The following TRIM32 variants were observed in gnomAD, a reference collection of about 807,000 sequenced individuals.
The protein encoded by TRIM32 is E3 ubiquitin-protein ligase TRIM32.
A neutral mutation model predicts 36.0 loss-of-function variants in TRIM32; 19 were observed. The observed-to-expected ratio is 0.53, with a 90% confidence interval of 0.37 to 0.77. TRIM32 has a LOEUF of 0.77. TRIM32 is among the 30% of genes least tolerant of loss of function. The pLI is 0.00. For missense variants in TRIM32, 747 were observed against 845.2 expected, an observed-to-expected ratio of 0.88 and a Z score of 1.44; for synonymous variants, 309 against 318.5, an observed-to-expected ratio of 0.97 and a Z score of 0.32.
In TRIM32 at chr9:116,699,630, C is replaced by T. The variant is rs1472220331; in HGVS notation, c.1888C>T (p.Leu630=). ...CATAGCCCTAACTCCTAAGGGGCAG[C>T]TGCTGGTCTTGGACTGTTGGGATCA... ...VGIALTPKGQ[L]LVLDCWDHCI... is the part of the protein sequence containing the mutation. Residue 630 remains leucine (L), a synonymous_variant, in exon 2 of 2, where the codon CTG becomes TTG. Transcript: ENST00000450136. This position sits in a 1 kb window ranked among gnomAD's most constrained non-coding sequence, Gnocchi z 4.2. The T allele has an allele frequency of 6.2e-7, 1 of 1,614,082 alleles. No homozygotes were observed. Among genetic ancestry groups the T allele is most frequent in the Non-Finnish European group, 8.5e-7 (1 of 1,180,042 alleles).
Position 116,698,941 on chromosome 9 carries a change from G to A in TRIM32, c.1199G>A (p.Arg400His), listed in dbSNP as rs373015960. 13 of 1,614,042 alleles carry A rather than the reference G, an allele frequency of 8.1e-6. No individual in the cohort carries two copies. Among genetic ancestry groups the A allele is most frequent in the South Asian group, 3.3e-5 (3 of 91,090 alleles). ...RGNYRIQVFT[R>H]KGFLKEIRRS... ...AACTATCGTATACAAGTCTTTACCC[G>A]CAAAGGCTTTTTGAAGGAAATCCGC... The change falls in exon 2 of 2, where the codon CGC becomes CAC. Residue 400 changes from arginine (R) to histidine (H), a missense_variant. Transcript: ENST00000450136. The surrounding 1 kb of genome is among the most constrained non-coding windows in gnomAD (Gnocchi z 4.4).
At chr9:116,690,751 C>T (rs924936138) in intron 1 of TRIM32, among the ~76,000 whole-genome samples, 5 of 152,146 alleles carry the variant, frequency 3.3e-5, no homozygotes, top group African/African-American at 1.2e-4. Context: ...AGGCTACTTT[C>T]TCTGAGCATT....
At position 116,698,382 on chromosome 9, in the gene TRIM32, G is replaced by C; in HGVS notation, c.640G>C (p.Glu214Gln). Residue 214 changes from glutamate to glutamine, a missense_variant, in exon 2 of 2, where the codon GAG (glutamate) becomes CAG (glutamine). Physicochemically the swap from Glu to Gln is conservative, Grantham distance 29. Coordinates refer to ENST00000450136, the MANE Select transcript of TRIM32 (RefSeq NM_012210.4). This position sits in a 1 kb window ranked among gnomAD's most constrained non-coding sequence, Gnocchi z 4.4. ...CTTCACAGGCTCTTTGGCTGAAGTT[G>C]AGAAGTCCAATAGTCAAGTGGTAGA... ...KFFTGSLAEVEKSNSQVVEEQ... is the reference protein window; with the variant it reads ...KFFTGSLAEVQKSNSQVVEEQ... 1 of 1,614,166 alleles carries C rather than the reference G, an allele frequency of 6.2e-7. No individual in the cohort carries two copies. The highest frequency in any genetic ancestry group is 8.5e-7 in the Non-Finnish European group (1 of 1,180,038).
At position 116,698,721 on chromosome 9, in the gene TRIM32, A is replaced by C; in HGVS notation, c.979A>C (p.Met327Leu). Reference sequence around the variant, plus strand: ...CTCTGTTACTTTTAGAGAGATGGACATGAGCCCGGAGGAAGTGGTTGCCAG... The same window carrying C: ...CTCTGTTACTTTTAGAGAGATGGACCTGAGCCCGGAGGAAGTGGTTGCCAG... ...STSVTFREMD[M>L]SPEEVVASPR... is the part of the protein sequence containing the mutation. The change falls in exon 2 of 2, where the codon ATG (methionine) becomes CTG (leucine). Residue 327 changes from methionine to leucine, a missense_variant. Physicochemically the swap from Met to Leu is conservative, Grantham distance 15. Coordinates refer to ENST00000450136, the MANE Select transcript of TRIM32 (RefSeq NM_012210.4). This position sits in a 1 kb window ranked among gnomAD's most constrained non-coding sequence, Gnocchi z 4.4. The C allele has an allele frequency of 6.2e-7, 1 of 1,614,212 alleles. No homozygotes were observed.
intron 1 of TRIM32, among the ~76,000 whole-genome samples, chr9:116,694,445 G>C (rs1310661555): frequency 7.0e-6 from 1 of 143,228 alleles, no homozygotes; most frequent in Non-Finnish European, 1.5e-5. Flanking sequence ...CATGGATCCT[G>C]AGTTGTAATT....
At chr9:116,695,400 T>C (rs571019638) in intron 1 of TRIM32, among the ~76,000 whole-genome samples, 2 of 152,172 alleles carry the variant, frequency 1.3e-5, no homozygotes, top group South Asian at 2.1e-4. Context: ...GGAGGAAGGA[T>C]TAACTTTAGA....
intron 1 of TRIM32, among the ~76,000 whole-genome samples, chr9:116,694,221 T>C (rs1254403707): frequency 6.6e-6 from 1 of 152,066 alleles, no homozygotes; most frequent in East Asian, 1.9e-4. Context: ...GGATATGATA[T>C]TCCAGAAAGC....
intron 1 of TRIM32, 85 bp downstream of exon 1, chr9:116,687,466 C>G (rs1316460783): frequency 1.3e-5 from 2 of 156,770 alleles, no homozygotes; most frequent in African/African-American, 5.2e-5. Flanking sequence ...GGGGAACGTG[C>G]CGGCGTGCAG....
chr9:116,699,769 T>G lies in TRIM32; in HGVS notation c.*65T>G. 1 of 1,609,558 alleles carries G rather than the reference T, an allele frequency of 6.2e-7. No individual in the cohort carries two copies. Among genetic ancestry groups the G allele is most frequent in the Non-Finnish European group, 8.5e-7 (1 of 1,176,608 alleles). The stretch of plus-strand genomic sequence containing the variant: ...CTTCCCTTCCCTTAGTTCTTGGTTG[T>G]TAGTGGCACATGCAGAATAGACTCA... On this transcript the variant is annotated 3_prime_UTR_variant, in exon 2 of 2. Transcript: ENST00000450136. This position sits in a 1 kb window ranked among gnomAD's most constrained non-coding sequence, Gnocchi z 4.2.
At chr9:116,695,149 T>A (rs973161911) in intron 1 of TRIM32, among the ~76,000 whole-genome samples, 1 of 152,138 alleles carries the variant, frequency 6.6e-6, no homozygotes, top group Non-Finnish European at 1.5e-5. Context: ...TTGGGTTAAA[T>A]AAAGTAAAAA....
At chr9:116,689,628 C>G (rs1029298575) in intron 1 of TRIM32, among the ~76,000 whole-genome samples, 1 of 152,170 alleles carries the variant, frequency 6.6e-6, no homozygotes, top group African/African-American at 2.4e-5. Context: ...CTAGGGCCTG[C>G]TTAGTCTTAT....
intron 1 of TRIM32, among the ~76,000 whole-genome samples, chr9:116,692,325 C>T (rs955305596): frequency 3.9e-5 from 6 of 152,264 alleles, no homozygotes; most frequent in Non-Finnish European, 5.9e-5. Context: ...GCCTTGGGTA[C>T]AGTCTGCTGA....
rs1861094156 is a variant in TRIM32, at chr9:116,699,989, G to A, written c.*285G>A. The A allele has an allele frequency of 2.0e-6, 1 of 510,582 alleles. No individual in the cohort carries two copies. The highest frequency in any genetic ancestry group is 3.6e-6 in the Non-Finnish European group (1 of 278,178). The allele number at this position is 510,582 out of a possible 1,614,324, so 31.6% of individuals were successfully genotyped here. ...TAGGCACTTCCAAGGCTTTAGTAGAGAGAGCCACTTTAGCCCTTTGTGCCA... is the reference window on the plus strand; with the variant it reads ...TAGGCACTTCCAAGGCTTTAGTAGAAAGAGCCACTTTAGCCCTTTGTGCCA... On this transcript the variant is annotated 3_prime_UTR_variant, in exon 2 of 2. Coordinates refer to ENST00000450136, the MANE Select transcript of TRIM32 (RefSeq NM_012210.4). The surrounding 1 kb of genome is among the most constrained non-coding windows in gnomAD (Gnocchi z 4.2).
chr9:116,691,076 C>T (rs1480379394), intron 1 of TRIM32, among the ~76,000 whole-genome samples: 3 of 152,152 alleles, frequency 2.0e-5, no homozygotes, highest in Non-Finnish European at 2.9e-5. Flanking sequence ...CATGCCACCA[C>T]ACCTGATTAT....
At chr9:116,690,332 C>G (rs1183182568) in intron 1 of TRIM32, among the ~76,000 whole-genome samples, 5 of 152,232 alleles carry the variant, frequency 3.3e-5, no homozygotes, top group African/African-American at 1.2e-4. Flanking sequence ...GGTTAAATGA[C>G]TTACCCAGGG....
intron 1 of TRIM32, 101 bp downstream of exon 1, chr9:116,687,482 G>A (rs971456918): frequency 2.2e-3 from 309 of 142,224 alleles, no homozygotes; most frequent in Non-Finnish European, 3.7e-3. Flanking sequence ...TGCAGCGGCC[G>A]CGCCCGAATG....
chr9:116,697,622 A>T lies in TRIM32; in HGVS notation c.-81-40A>T, dbSNP rs1362194061. 3 of 1,254,814 alleles carry T rather than the reference A, an allele frequency of 2.4e-6. No individual in the cohort carries two copies. The East Asian group carries it at 7.5e-5, about 31-fold the overall frequency. 77.7% of individuals were successfully genotyped at this position (1,254,814 alleles called of 1,614,324 possible). ...GTTTCTTGAGTGAATTTATTTATAT[A>T]GTCAGAGGAAAATGAATAATGGTTT... On this transcript the variant is annotated intron_variant, in intron 1 of 1. Coordinates refer to ENST00000450136, the MANE Select transcript of TRIM32 (RefSeq NM_012210.4).
At position 116,699,563 on chromosome 9, in the gene TRIM32, C is replaced by T. The variant is rs1861069071; in HGVS notation, c.1821C>T (p.Gly607=). 3.7e-6 allele frequency: 6 copies of T among 1,614,062 alleles called. No homozygotes were observed. The highest frequency in any genetic ancestry group is 5.1e-6 in the Non-Finnish European group (6 of 1,180,042). Residue 607 remains glycine, a synonymous_variant, in exon 2 of 2, where the codon GGC becomes GGT. Transcript: ENST00000450136. This position sits in a 1 kb window ranked among gnomAD's most constrained non-coding sequence, Gnocchi z 4.2. ...KEILHFPKGG[G]YSVLIREGLT... ...TTCTCCATTTTCCTAAGGGTGGGGG[C>T]TATAGTGTCCTTATTCGAGAGGGAC...
In TRIM32 at chr9:116,700,174, C is replaced by T. The variant is rs759997807; in HGVS notation, c.*470C>T. ...GTGCATGCTTCAGTGGGATCTGCTCCACCTTTCAGTGACATTTAAGACATC... is the reference window on the plus strand; with the variant it reads ...GTGCATGCTTCAGTGGGATCTGCTCTACCTTTCAGTGACATTTAAGACATC... On this transcript the variant is annotated 3_prime_UTR_variant, in exon 2 of 2. Coordinates refer to ENST00000450136, the MANE Select transcript of TRIM32 (RefSeq NM_012210.4). 4.2e-5 allele frequency: 9 copies of T among 212,048 alleles called. No individual in the cohort carries two copies. The highest frequency in any genetic ancestry group is 7.1e-5 in the African/African-American group (3 of 42,134). The allele number at this position is 212,048 out of a possible 1,614,324, so 13.1% of individuals were successfully genotyped here. A position where few individuals can be genotyped will look rare whatever the true frequency, so the allele number is the denominator to read the frequency against.
Sources: allele counts gnomAD v4.1 joint callset (sites outside exome capture counted in the v4.1 genomes callset), GRCh38; gene constraint gnomAD v4.1.1; non-coding constraint Gnocchi (gnomAD v3.1); transcripts MANE v1.5; gene names NCBI Gene and HGNC (gene_info 2026-07-23, HGNC 2026-07-21).